The following RAB27A variants were observed in gnomAD, a reference collection of about 807,000 sequenced individuals.
RAB27A encodes ras-related protein Rab-27A.
In RAB27A, 17 loss-of-function variants were observed where a neutral mutation model predicts 20.8. The observed-to-expected ratio is 0.82, with a 90% CI of 0.56 to 1.23. RAB27A has a LOEUF of 1.23. Among genes scored for constraint, RAB27A ranks in the 50% most tolerant of loss-of-function variants. The probability of loss-of-function intolerance (pLI) is 0.00; values close to 1 mark genes in which losing one functional copy is unlikely to be tolerated. For synonymous variants in RAB27A, 85 were observed against 92.8 expected (o/e 0.92, Z 0.48); for missense variants, 277 against 266.7 (o/e 1.04, Z -0.27).
intron 6 of RAB27A, among the ~76,000 whole-genome samples, chr15:55,217,505 AT>A (rs1393076215): frequency 6.7e-6 from 1 of 149,522 alleles, no homozygotes; most frequent in East Asian, 2.0e-4. Flanking sequence ...ACTAAAAAAA[AT>A]ATATAAAAAT....
chr15:55,231,124 T>A (rs897806091), intron 3 of RAB27A, among the ~76,000 whole-genome samples: 18 of 152,314 alleles, frequency 1.2e-4, no homozygotes, highest in African/African-American at 4.3e-4. Flanking sequence ...CCCAGCTCTA[T>A]CCATGTTGCT....
chr15:55,299,884 G>A (rs1408069057), intron 2 of RAB27A, among the ~76,000 whole-genome samples: 3 of 149,890 alleles, frequency 2.0e-5, no homozygotes, highest in Admixed American at 6.7e-5. Flanking sequence ...GCAATGGCGC[G>A]ATCTCAGCTC....
chr15:55,319,057 G>C, exon 1 of RAB27A: 1 of 632,380 alleles, frequency 1.6e-6, no homozygotes, highest in South Asian at 2.2e-5. Context: ...AAGGCGAGTA[G>C]CAATCCCTCG....
intron 2 of RAB27A, among the ~76,000 whole-genome samples, chr15:55,306,198 G>A (rs2054996276): frequency 6.6e-6 from 1 of 152,176 alleles, no homozygotes; most frequent in Non-Finnish European, 1.5e-5. Context: ...TGAGGTATGG[G>A]TTATTTCCAG....
chr15:55,252,590 A>C (rs116477004), intron 2 of RAB27A, among the ~76,000 whole-genome samples: 1 of 152,280 alleles, frequency 6.6e-6, no homozygotes, highest in African/African-American at 2.4e-5. Flanking sequence ...CGACAGAGTG[A>C]GATTCCATCT....
At chr15:55,219,636 A>G (rs1318520346) in intron 6 of RAB27A, among the ~76,000 whole-genome samples, 1 of 152,208 alleles carries the variant, frequency 6.6e-6, no homozygotes, top group African/African-American at 2.4e-5. Context: ...CTTCCAAAAG[A>G]GGAATGTTGC....
At chr15:55,207,995 T>A (rs930982889) in intron 6 of RAB27A, among the ~76,000 whole-genome samples, 1 of 152,218 alleles carries the variant, frequency 6.6e-6, no homozygotes, top group Non-Finnish European at 1.5e-5. Context: ...AATAGCTACA[T>A]GTGACCAGTG....
At chr15:55,232,454 A>G (rs1411730538) in intron 3 of RAB27A, among the ~76,000 whole-genome samples, 2 of 152,226 alleles carry the variant, frequency 1.3e-5, no homozygotes, top group African/African-American at 4.8e-5. Flanking sequence ...GAAACAGGAA[A>G]GTATGGCTCA....
chr15:55,243,743 C>G (rs915171037), intron 2 of RAB27A, among the ~76,000 whole-genome samples: 1 of 152,048 alleles, frequency 6.6e-6, no homozygotes, highest in Non-Finnish European at 1.5e-5. Context: ...ATGCTAGGTG[C>G]CAGGGTACAA....
rs1179755955 is a variant in RAB27A at position 55,302,759 on chromosome 15, G to A, written c.-112+11280C>T. Among the ~76,000 whole-genome samples, 5 of 132,914 alleles carry A rather than the reference G, an allele frequency of 3.8e-5. 1 individual carries two copies. Among genetic ancestry groups the A allele is most frequent in the Admixed American group, 2.2e-4 (3 of 13,946 alleles). 87.2% of individuals were successfully genotyped at this position (132,914 alleles called of 152,430 possible). ...TGGGATGTGAGGAGCACCTCTGCCC[G>A]GCCGAGACCCCGTCTGGGAGGTGAG... On this transcript the variant is annotated intron_variant, in intron 2 of 5. Transcript: ENST00000563262.
chr15:55,296,796 A>G (rs2054951358), intron 2 of RAB27A, among the ~76,000 whole-genome samples: 1 of 151,880 alleles, frequency 6.6e-6, no homozygotes, highest in Non-Finnish European at 1.5e-5. Flanking sequence ...CCAGCTTTGC[A>G]TTCCCTGCCT....
chr15:55,247,356 A>T (rs750948470), intron 2 of RAB27A, among the ~76,000 whole-genome samples: 15 of 152,110 alleles, frequency 9.9e-5, no homozygotes, highest in Non-Finnish European at 2.1e-4. Context: ...GGACTGAGAG[A>T]ATTACAAATC....
chr15:55,261,516 T>A (rs1200396388), intron 2 of RAB27A, among the ~76,000 whole-genome samples: 6 of 149,074 alleles, frequency 4.0e-5, no homozygotes, highest in African/African-American at 7.4e-5. Flanking sequence ...GATTATGAGA[T>A]CAGGAGTTCA....
intron 2 of RAB27A, among the ~76,000 whole-genome samples, chr15:55,251,760 A>G (rs1250754971): frequency 6.6e-6 from 1 of 152,234 alleles, no homozygotes; most frequent in Non-Finnish European, 1.5e-5. Context: ...TACTGATCAA[A>G]GTAAAAGTTC....
At chr15:55,296,780 C>G (rs1226416942) in intron 2 of RAB27A, among the ~76,000 whole-genome samples, 1 of 151,978 alleles carries the variant, frequency 6.6e-6, no homozygotes, top group Non-Finnish European at 1.5e-5. Flanking sequence ...GTCCCATGGT[C>G]CCTGCCCAGC....
At chr15:55,211,321 T>C (rs1449961205) in intron 6 of RAB27A, among the ~76,000 whole-genome samples, 1 of 152,176 alleles carries the variant, frequency 6.6e-6, no homozygotes, top group Admixed American at 6.5e-5. Context: ...AGGGATTGCA[T>C]TGAGTCAGTA....
chr15:55,317,721 A>C (rs147215878), intron 1 of RAB27A: 5 of 398,508 alleles, frequency 1.3e-5, no homozygotes, highest in African/African-American at 2.1e-5. Context: ...CTGGTTGAAA[A>C]ATATATACTC....
intron 2 of RAB27A, among the ~76,000 whole-genome samples, chr15:55,265,836 G>C (rs931406678): frequency 1.3e-5 from 2 of 152,158 alleles, no homozygotes; most frequent in African/African-American, 2.4e-5. Context: ...ATCCAGAACA[G>C]AGGCTGAAAA....
chr15:55,307,399 G>C (rs997526705), intron 2 of RAB27A, among the ~76,000 whole-genome samples: 10 of 151,986 alleles, frequency 6.6e-5, no homozygotes, highest in Non-Finnish European at 1.2e-4. Context: ...ACCATGCGAG[G>C]TGGGTTTCCT....
Sources: allele counts gnomAD v4.1 joint callset (sites outside exome capture counted in the v4.1 genomes callset), GRCh38; gene constraint gnomAD v4.1.1; transcripts MANE v1.5; gene names NCBI Gene and HGNC (gene_info 2026-07-23, HGNC 2026-07-21).